LINGO2: variants seen among roughly 807,000 people sequenced by gnomAD.
LINGO2 encodes leucine-rich repeat and immunoglobulin-like domain-containing nogo receptor-interacting protein 2.
Under a neutral mutation model 30.6 loss-of-function variants are expected in LINGO2, and 14 were observed. The ratio of observed to expected loss-of-function variants is 0.46; its 90% CI spans 0.30 to 0.72. The LOEUF is 0.72. Among genes scored for constraint, LINGO2 ranks in the 30% least tolerant of loss-of-function variants. The pLI, the probability that LINGO2 is intolerant of heterozygous loss-of-function variation, is 0.07. For synonymous variants in LINGO2, 317 were observed against 288.5 expected (o/e 1.10, Z -1.00); for missense variants, 729 against 751.7 (o/e 0.97, Z 0.35).
intron 1 of LINGO2, among the ~76,000 whole-genome samples, chr9:28,515,833 G>C (rs911743363): frequency 2.0e-5 from 3 of 152,292 alleles, no homozygotes; most frequent in Admixed American, 2.0e-4. Context: ...TTTTATGTGG[G>C]TAAAATGTTA....
the LINGO2 span, among the ~76,000 whole-genome samples, chr9:28,978,911 T>C: frequency 6.6e-6 from 1 of 152,142 alleles, no homozygotes. Flanking sequence ...TGTAAAAGTA[T>C]ATAGTCATAC....
chr9:28,517,468 A>G (rs1820665987), intron 1 of LINGO2, among the ~76,000 whole-genome samples: 1 of 152,218 alleles, frequency 6.6e-6, no homozygotes, highest in African/African-American at 2.4e-5. Context: ...TTAAGTGCTA[A>G]ATTAAAAGAA....
intron 3 of LINGO2, among the ~76,000 whole-genome samples, chr9:28,295,792 C>T (rs1587409811): frequency 6.6e-6 from 1 of 152,128 alleles, no homozygotes; most frequent in East Asian, 1.9e-4. Context: ...GCGAAATCCA[C>T]AAGATTGTGG....
upstream of LINGO2, among the ~76,000 whole-genome samples, chr9:28,672,795 A>T (rs1423623393): frequency 6.6e-6 from 1 of 152,174 alleles, no homozygotes; most frequent in Non-Finnish European, 1.5e-5. Context: ...GATCATATTT[A>T]TAGATCAGAT....
the LINGO2 span, among the ~76,000 whole-genome samples, chr9:28,963,702 T>A: frequency 9.9e-5 from 15 of 151,966 alleles, no homozygotes; most frequent in South Asian, 1.9e-3. Context: ...CCATATATTC[T>A]TACTCACATA....
chr9:28,601,224 T>C lies in LINGO2; in HGVS notation c.-365+68976A>G, dbSNP rs114741442. On this transcript the variant is annotated intron_variant, in intron 1 of 5. Transcript: ENST00000379992. ...GATGTCATAGAGCTGATATCGCAGA[T>C]AGCCAAGCTTTGCTGTAGAAGCATG... 5.6e-3 allele frequency among the ~76,000 whole-genome samples: 847 copies of C among 152,254 alleles called. 10 individuals are homozygous for C. Among genetic ancestry groups the C allele is most frequent in the African/African-American group, 0.02 (819 of 41,574 alleles).
At chr9:28,808,869 G>A in the LINGO2 span, among the ~76,000 whole-genome samples, 307 of 152,216 alleles carry the variant, frequency 2.0e-3, no homozygotes, top group African/African-American at 7.1e-3. Flanking sequence ...TATGCATCTA[G>A]AAAGCAAATT....
intron 1 of LINGO2, among the ~76,000 whole-genome samples, chr9:28,480,581 A>T (rs1016891436): frequency 6.6e-6 from 1 of 152,042 alleles, no homozygotes; most frequent in Non-Finnish European, 1.5e-5. Context: ...TAAAGGGGGA[A>T]ACTATTGCCA....
chr9:29,169,336 G>A, the LINGO2 span, among the ~76,000 whole-genome samples: 1 of 152,068 alleles, frequency 6.6e-6, no homozygotes, highest in Admixed American at 6.6e-5. Context: ...AAGCCTTTGT[G>A]AGAAGTATGC....
chr9:28,687,878 T>G, the LINGO2 span, among the ~76,000 whole-genome samples: 1 of 152,158 alleles, frequency 6.6e-6, no homozygotes, highest in East Asian at 1.9e-4. Flanking sequence ...TTCATTATAA[T>G]AGGATATAAC....
chr9:28,033,962 C>T (rs1211294), intron 4 of LINGO2, among the ~76,000 whole-genome samples: 25,121 of 152,162 alleles, frequency 0.17, 2,211 homozygotes, highest in African/African-American at 0.22. Flanking sequence ...TCAATATCAC[C>T]TTCTCTAAGA....
intron 2 of LINGO2, among the ~76,000 whole-genome samples, chr9:28,438,475 G>A (rs1259866151): frequency 6.6e-6 from 1 of 152,046 alleles, no homozygotes; most frequent in African/African-American, 2.4e-5. Context: ...TTAGATAAGT[G>A]GTCCCACTGG....
At chr9:28,787,283 A>T in the LINGO2 span, among the ~76,000 whole-genome samples, 1 of 152,136 alleles carries the variant, frequency 6.6e-6, no homozygotes, top group Non-Finnish European at 1.5e-5. Flanking sequence ...CACTACAAAA[A>T]CTTAACATGC....
At chr9:29,199,078 G>A in the LINGO2 span, among the ~76,000 whole-genome samples, 1 of 152,018 alleles carries the variant, frequency 6.6e-6, no homozygotes, top group African/African-American at 2.4e-5. Flanking sequence ...CGGGCCTGTG[G>A]GAGGCAGAAG....
chr9:28,588,804 A>G (rs1287931561), intron 1 of LINGO2, among the ~76,000 whole-genome samples: 1 of 152,068 alleles, frequency 6.6e-6, no homozygotes, highest in Non-Finnish European at 1.5e-5. Context: ...TAGTCAGGCC[A>G]TGCAGCATTT....
intron 4 of LINGO2, among the ~76,000 whole-genome samples, chr9:28,222,725 T>A (rs1175031107): frequency 1.3e-5 from 2 of 152,120 alleles, no homozygotes; most frequent in Non-Finnish European, 2.9e-5. Context: ...ATGAATAAGA[T>A]CAATCTCCAC....
rs1320543146 is a variant in LINGO2 at position 27,950,726 on chromosome 9, GA to G, written c.-35-21del. 2 of 1,378,816 alleles carry G rather than the reference GA, an allele frequency of 1.5e-6. No individual in the cohort carries two copies. Among genetic ancestry groups the G allele is most frequent in the African/African-American group, 2.9e-5 (2 of 69,142 alleles). 85.4% of individuals were successfully genotyped at this position (1,378,816 alleles called of 1,614,324 possible). ...ACGGGTCTGCATGGAAGGGACACAA[GA>G]AGGGAGGAAGAGAAGGTGAGTTAGG... is the stretch of plus-strand genomic sequence containing the variant. On this transcript the variant is annotated intron_variant, in intron 5 of 5. Transcript: ENST00000379992.
At chr9:29,086,860 G>A in the LINGO2 span, among the ~76,000 whole-genome samples, 4 of 151,848 alleles carry the variant, frequency 2.6e-5, no homozygotes, top group African/African-American at 9.7e-5. Context: ...TTACTTTGGG[G>A]AAGCTGTTAG....
chr9:28,869,857 T>A, the LINGO2 span, among the ~76,000 whole-genome samples: 120,242 of 151,784 alleles, frequency 0.79, 47,707 homozygotes, highest in East Asian at 0.89. Context: ...CAAGATTCAG[T>A]ACCCTATGGG....
Sources: gnomAD v4.1 joint callset for allele counts (sites outside exome capture counted in the v4.1 genomes callset) on GRCh38, gnomAD v4.1.1 for gene constraint, MANE v1.5 for transcripts, NCBI Gene and HGNC (gene_info 2026-07-23, HGNC 2026-07-21) for gene names.